DPY19L3: variants seen among roughly 807,000 people sequenced by gnomAD.
DPY19L3 encodes protein C-mannosyl-transferase DPY19L3.
In DPY19L3, 51 loss-of-function variants were observed where a neutral mutation model predicts 92.3. The observed-to-expected ratio is 0.55, with a 90% CI of 0.44 to 0.70. The LOEUF (loss-of-function observed/expected upper bound fraction) is 0.70. DPY19L3 is among the 30% of genes least tolerant of loss of function. The probability of loss-of-function intolerance (pLI) is 0.00; values close to 1 mark genes in which losing one functional copy is unlikely to be tolerated. For missense variants in DPY19L3, 706 were observed against 855.9 expected (o/e 0.82, Z 2.18); for synonymous variants, 309 against 315.2 (o/e 0.98, Z 0.21).
chr19:32,437,593 A>G (rs1483620906), intron 6 of DPY19L3, among the ~76,000 whole-genome samples: 9 of 152,162 alleles, frequency 5.9e-5, no homozygotes, highest in Admixed American at 4.6e-4. Context: ...TCCCAAACCT[A>G]TTATCTGTTT....
At chr19:32,422,939 T>C (rs551607752) in intron 3 of DPY19L3, among the ~76,000 whole-genome samples, 1 of 152,174 alleles carries the variant, frequency 6.6e-6, no homozygotes, top group Non-Finnish European at 1.5e-5. Flanking sequence ...GCCTAGAAAA[T>C]GCTCAAGTAA....
intron 3 of DPY19L3, among the ~76,000 whole-genome samples, chr19:32,423,130 C>T (rs1476477562): frequency 2.6e-5 from 4 of 151,978 alleles, no homozygotes; most frequent in Non-Finnish European, 4.4e-5. Flanking sequence ...CAGTGGGGCT[C>T]AAATTTATTT....
intron 3 of DPY19L3, among the ~76,000 whole-genome samples, chr19:32,414,956 A>AT (rs1968329057): frequency 1.3e-5 from 2 of 152,250 alleles, no homozygotes; most frequent in African/African-American, 4.8e-5. Context: ...TGTGGGTAAC[A>AT]TTGAGTTCAA....
chr19:32,474,049 C>T (rs772098796), intron 16 of DPY19L3, among the ~76,000 whole-genome samples: 11 of 152,148 alleles, frequency 7.2e-5, no homozygotes, highest in South Asian at 2.1e-4. Context: ...GCAATCTACC[C>T]ACCTCAGCCT....
At chr19:32,477,462 C>A in intron 16 of DPY19L3, 60 bp from the exon 17 acceptor site, 2 of 1,599,404 alleles carry the variant, frequency 1.3e-6, no homozygotes, top group South Asian at 1.1e-5. Flanking sequence ...ATATTGTCTT[C>A]TTTGTTGTCT....
At chr19:32,481,198 G>A (rs966667174) in intron 18 of DPY19L3, 2 of 160,550 alleles carry the variant, frequency 1.2e-5, no homozygotes, top group Middle Eastern at 3.0e-3. Context: ...TGTAATTAAT[G>A]GTATGAAAGC....
chr19:32,433,310 A>C, intron 4 of DPY19L3, among the ~76,000 whole-genome samples: 1 of 152,200 alleles, frequency 6.6e-6, no homozygotes, highest in East Asian at 1.9e-4. Context: ...TCTACCTAGT[A>C]CATACTTGAT....
At chr19:32,455,827 A>AT (rs1041911553) in intron 10 of DPY19L3, among the ~76,000 whole-genome samples, 5 of 152,062 alleles carry the variant, frequency 3.3e-5, no homozygotes, top group Admixed American at 1.3e-4. Flanking sequence ...TGGCGTTTTA[A>AT]TTTTTTTTCA....
chr19:32,455,620 A>G (rs939437569), intron 10 of DPY19L3, among the ~76,000 whole-genome samples: 15 of 152,134 alleles, frequency 9.9e-5, no homozygotes. Flanking sequence ...TGGCCTTACT[A>G]TCTACTTTCT....
rs192773693 is a variant in DPY19L3 at position 32,411,628 on chromosome 19, C to T, written c.237+256C>T. ...TGTCACCCAGGCTGGAGTGCGGTGG[C>T]GCAATCTTGGCTCACTACAACCTCT... On this transcript the variant is annotated intron_variant, in intron 3 of 18. Coordinates refer to ENST00000392250, the MANE Select transcript of DPY19L3 (RefSeq NM_001172774.2). 3.2e-4 allele frequency: 134 copies of T among 417,020 alleles called. No individual in the cohort carries two copies. In the East Asian group the frequency reaches 4.7e-3, roughly 15 times the overall value. 25.8% of individuals were successfully genotyped at this position (417,020 alleles called of 1,614,324 possible).
rs150959841 is a variant in DPY19L3 at position 32,461,482 on chromosome 19, T to C, written c.1323-1884T>C. Among the ~76,000 whole-genome samples, 49 of 152,352 alleles carry C rather than the reference T, an allele frequency of 3.2e-4. No homozygotes were observed. In the East Asian group the frequency reaches 8.9e-3, roughly 28 times the overall value. ...ACTCCCCTTGTCTGTTTTATTTTTA[T>C]TTACTTTTCACACCTTGCCCTGTTG... On this transcript the variant is annotated intron_variant, in intron 12 of 18. Coordinates refer to ENST00000392250, the MANE Select transcript of DPY19L3 (RefSeq NM_001172774.2).
rs11881359 is a variant in DPY19L3, at chr19:32,480,907, C to T, written c.1989+350C>T. On this transcript the variant is annotated intron_variant, in intron 18 of 18. Transcript: ENST00000392250. ...TCAGCCTTTAAACCCACTGCTCCAA[C>T]GCTTCGTATTGGCTAGCTGCTGCAT... 8.7e-3 allele frequency: 3,757 copies of T among 434,088 alleles called. 134 individuals carry two copies. The highest frequency in any genetic ancestry group is 0.068 in the African/African-American group (3,360 of 49,366). The allele number at this position is 434,088 out of a possible 1,614,324, so 26.9% of individuals were successfully genotyped here.
intron 8 of DPY19L3, 39 bp downstream of exon 8, chr19:32,439,949 A>G: frequency 6.2e-7 from 1 of 1,606,734 alleles, no homozygotes; most frequent in Non-Finnish European, 8.5e-7. Flanking sequence ...GATTTTGGCC[A>G]TTTAGTGTTT....
intron 4 of DPY19L3, among the ~76,000 whole-genome samples, chr19:32,434,922 A>G (rs1969089374): frequency 6.6e-6 from 1 of 151,884 alleles, no homozygotes; most frequent in Non-Finnish European, 1.5e-5. Context: ...TAACTGTCCA[A>G]CTCTTAGGTT....
At chr19:32,410,282 A>G (rs1168712251) in intron 2 of DPY19L3, among the ~76,000 whole-genome samples, 4 of 152,064 alleles carry the variant, frequency 2.6e-5, no homozygotes, top group Non-Finnish European at 5.9e-5. Context: ...ATTCATCTTG[A>G]CAGGACAATA....
At chr19:32,445,967 A>G (rs1244097530) in intron 8 of DPY19L3, among the ~76,000 whole-genome samples, 1 of 151,904 alleles carries the variant, frequency 6.6e-6, no homozygotes. Flanking sequence ...GTGCCATTGC[A>G]CTCCAGCCTG....
intron 3 of DPY19L3, among the ~76,000 whole-genome samples, chr19:32,429,195 T>C (rs1370471469): frequency 6.6e-6 from 1 of 152,204 alleles, no homozygotes; most frequent in Non-Finnish European, 1.5e-5. Flanking sequence ...TCCACTTCTT[T>C]CTGTCATTAT....
intron 10 of DPY19L3, among the ~76,000 whole-genome samples, chr19:32,456,349 G>A (rs913430466): frequency 5.9e-5 from 9 of 151,626 alleles, no homozygotes; most frequent in African/African-American, 1.9e-4. Flanking sequence ...GATTGTAGGC[G>A]TGAACCACCA....
At chr19:32,439,033 A>G in intron 6 of DPY19L3, 79 bp from the exon 7 acceptor site, 1 of 1,493,906 alleles carries the variant, frequency 6.7e-7, no homozygotes, top group Admixed American at 2.0e-5. Flanking sequence ...TTAATGTAAT[A>G]TATCTTTCGT....
Sources: allele counts gnomAD v4.1 joint callset (sites outside exome capture counted in the v4.1 genomes callset), GRCh38; gene constraint gnomAD v4.1.1; transcripts MANE v1.5; gene names NCBI Gene and HGNC (gene_info 2026-07-23, HGNC 2026-07-21).